The following EP300 variants were observed in gnomAD, a reference collection of about 807,000 sequenced individuals.
EP300 encodes histone acetyltransferase p300.
A neutral mutation model predicts 264.0 loss-of-function variants in EP300; 31 were observed. The ratio of observed to expected loss-of-function variants is 0.12; its 90% confidence interval spans 0.09 to 0.16. EP300 has a LOEUF of 0.16. Ranked by LOEUF, EP300 falls within the 10% of genes least tolerant of loss-of-function variation. The pLI, the probability that EP300 is intolerant of heterozygous loss-of-function variation, is 1.00. For missense variants in EP300, 2,766 were observed against 3,052.9 expected, an observed-to-expected ratio of 0.91 and a Z score of 2.21; for synonymous variants, 1,340 against 1,045.4, an observed-to-expected ratio of 1.28 and a Z score of -5.44.
At chr22:41,135,150 T>C (rs2058943312) in intron 6 of EP300, among the ~76,000 whole-genome samples, 1 of 152,178 alleles carries the variant, frequency 6.6e-6, no homozygotes, top group African/African-American at 2.4e-5. Context: ...TCCGCCCACC[T>C]CGGCCTCCCA....
At chr22:41,167,560 T>TTGTG (rs71328777) in intron 23 of EP300, among the ~76,000 whole-genome samples, 603 of 50,868 alleles carry the variant, frequency 0.012, 10 homozygotes, top group Non-Finnish European at 0.016. Context: ...GTTTATATAT[T>TTGTG]TGTGTGTGTG....
chr22:41,177,837 A>G lies in EP300; in HGVS notation c.6126A>G (p.Lys2042=). ...GLGQVGISPL[K]PGTVSQQALQ... ...GCCAGGTAGGTATCAGCCCACTCAA[A>G]CCAGGCACTGTGTCTCAACAAGCCT... Residue 2042 remains lysine (K), a synonymous_variant, in exon 31 of 31, where the codon AAA becomes AAG. Coordinates refer to ENST00000263253, the MANE Select transcript of EP300 (RefSeq NM_001429.4). 6.2e-7 allele frequency: 1 copy of G among 1,614,130 alleles called. No individual in the cohort carries two copies. The highest frequency in any genetic ancestry group is 8.5e-7 in the Non-Finnish European group (1 of 1,180,002).
chr22:41,120,510 C>T (rs755425351), intron 2 of EP300, among the ~76,000 whole-genome samples: 8 of 152,140 alleles, frequency 5.3e-5, no homozygotes, highest in Non-Finnish European at 8.8e-5. Flanking sequence ...ATGACTGTAA[C>T]CCTGTTGGCA....
Position 41,127,530 on chromosome 22 carries a change from C to T in EP300, c.950C>T (p.Thr317Ile), listed in dbSNP as rs2058890103. 1.2e-6 allele frequency: 2 copies of T among 1,614,104 alleles called. No homozygotes were observed. The highest frequency in any genetic ancestry group is 1.1e-5 in the South Asian group (1 of 91,092). Residue 317 changes from threonine (T) to isoleucine (I), a missense_variant, in exon 4 of 31, where the codon ACT becomes ATT. By Grantham distance (89) the Thr-to-Ile change is moderately conservative. Transcript: ENST00000263253. ...APQVQQPGLV[T>I]PVAQGMGSGA... ...CAGGTCCAGCAGCCAGGCCTGGTGA[C>T]TCCAGTTGCCCAAGGGATGGGTTCT...
rs2059021271 is a variant in EP300 at position 41,147,893 on chromosome 22, A to G, written c.2188A>G (p.Thr730Ala). 3 of 1,613,734 alleles carry G rather than the reference A, an allele frequency of 1.9e-6. No homozygotes were observed. The highest frequency in any genetic ancestry group is 1.7e-5 in the Admixed American group (1 of 59,968). Residue 730 changes from threonine to alanine, a missense_variant, in exon 12 of 31, where the codon ACC becomes GCC. Coordinates refer to ENST00000263253, the MANE Select transcript of EP300 (RefSeq NM_001429.4). Reference sequence around the variant, plus strand: ...CCAGCCCCCTATTGTACCCCGGCAAACCCCTCCTCTTCAGCACCATGGACA... The same window carrying G: ...CCAGCCCCCTATTGTACCCCGGCAAGCCCCTCCTCTTCAGCACCATGGACA... ...MAQPPIVPRQ[T>A]PPLQHHGQLA...
intron 19 of EP300, 181 bp downstream of exon 19, chr22:41,158,681 A>G: frequency 3.3e-6 from 2 of 604,756 alleles, no homozygotes. Flanking sequence ...TTTCTATCAG[A>G]GTAGCCTTGC....
chr22:41,122,867 TACAAAA>T (rs1214073161), intron 2 of EP300, among the ~76,000 whole-genome samples: 1 of 151,944 alleles, frequency 6.6e-6, no homozygotes, highest in African/African-American at 2.4e-5. Context: ...GCAACATCTC[TACAAAA>T]ATAAAAACAA....
At chr22:41,109,871 T>C (rs1031293619) in intron 1 of EP300, among the ~76,000 whole-genome samples, 2 of 150,546 alleles carry the variant, frequency 1.3e-5, no homozygotes, top group Non-Finnish European at 3.0e-5. Context: ...TGGAGTGCAA[T>C]GGCGTGATCT....
At chr22:41,099,622 C>T (rs187130403) in intron 1 of EP300, among the ~76,000 whole-genome samples, 236 of 152,228 alleles carry the variant, frequency 1.6e-3, no homozygotes, top group Middle Eastern at 3.4e-3. Flanking sequence ...TTGTAACCTC[C>T]GCATACAATT....
rs1305375514 is a variant in EP300 at position 41,160,643 on chromosome 22, T to C, written c.3592T>C (p.Tyr1198His). The C allele has an allele frequency of 6.2e-7, 1 of 1,613,942 alleles. No homozygotes were observed. Among genetic ancestry groups the C allele is most frequent in the Non-Finnish European group, 8.5e-7 (1 of 1,179,876 alleles). Residue 1198 changes from tyrosine (Y) to histidine (H), a missense_variant and splice_region_variant, in exon 20 of 31, where the codon TAT (tyrosine) becomes CAT (histidine). By Grantham distance (83) the Tyr-to-His change is moderately conservative (BLOSUM62 2). Coordinates refer to ENST00000263253, the MANE Select transcript of EP300 (RefSeq NM_001429.4). ...DATYYSYQNR[Y>H]HFCEKCFNEI... is the part of the protein sequence containing the mutation. Reference sequence around the variant, plus strand: ...CCAGTATGGCCTTCTTGCCGACAGGTATCATTTCTGTGAGAAGTGTTTCAA... The same window carrying C: ...CCAGTATGGCCTTCTTGCCGACAGGCATCATTTCTGTGAGAAGTGTTTCAA...
chr22:41,176,382 C>T lies in EP300; in HGVS notation c.4915C>T (p.Leu1639=), dbSNP rs1174134076. 6 of 1,614,124 alleles carry T rather than the reference C, an allele frequency of 3.7e-6. No homozygotes were observed. The East Asian group carries it at 1.3e-4, about 36-fold the overall frequency. Residue 1639 remains leucine (L), a synonymous_variant, in exon 30 of 31, where the codon CTG becomes TTG. Coordinates refer to ENST00000263253, the MANE Select transcript of EP300 (RefSeq NM_001429.4). ...AFLTLARDKH[L]EFSSLRRAQW... is the part of the protein sequence containing the mutation. Reference sequence around the variant, plus strand: ...TCTCACGCTGGCAAGGGACAAGCACCTGGAGTTCTCTTCACTCCGAAGAGC... The same window carrying T: ...TCTCACGCTGGCAAGGGACAAGCACTTGGAGTTCTCTTCACTCCGAAGAGC...
At chr22:41,130,716 ATACTT>A (rs1017097781) in intron 5 of EP300, among the ~76,000 whole-genome samples, 1 of 152,118 alleles carries the variant, frequency 6.6e-6, no homozygotes, top group Non-Finnish European at 1.5e-5. Flanking sequence ...CTTTTATACT[ATACTT>A]GTGATCTAAA....
chr22:41,174,041 C>T (rs920381342), intron 29 of EP300, among the ~76,000 whole-genome samples: 6 of 152,020 alleles, frequency 3.9e-5, no homozygotes, highest in African/African-American at 9.7e-5. Context: ...ACCTGAGAAG[C>T]GGAGATTGCA....
At position 41,178,908 on chromosome 22, in the gene EP300, C is replaced by G. The variant is rs1318815266; in HGVS notation, c.7197C>G (p.Asn2399Lys). 3 of 1,614,230 alleles carry G rather than the reference C, an allele frequency of 1.9e-6. No individual in the cohort carries two copies. Among genetic ancestry groups the G allele is most frequent in the Non-Finnish European group, 2.5e-6 (3 of 1,180,044 alleles). The change falls in exon 31 of 31, where the codon AAC becomes AAG. Residue 2399 changes from asparagine (N) to lysine (K), a missense_variant. Physicochemically the swap from Asn to Lys is moderately conservative, Grantham distance 94. Coordinates refer to ENST00000263253, the MANE Select transcript of EP300 (RefSeq NM_001429.4). ...CGGACCTGGGACTCAGCACCGATAA[C>G]TCAGACTTGAATTCAAACCTCTCAC... is the stretch of plus-strand genomic sequence containing the variant. ...SATDLGLSTD[N>K]SDLNSNLSQS...
At chr22:41,145,142 G>A (rs148201101) in intron 10 of EP300, among the ~76,000 whole-genome samples, 1 of 152,308 alleles carries the variant, frequency 6.6e-6, no homozygotes, top group African/African-American at 2.4e-5. Context: ...CATATCTTAG[G>A]TGAAAACATT....
rs775547353 is a variant in EP300, at chr22:41,149,088, C to G, written c.2292C>G (p.Phe764Leu). Reference sequence around the variant, plus strand: ...AACAGCCTTCCAACCAGGGCCAGTTCCTTCCTCAGACTCAGTTCCCATCAC... The same window carrying G: ...AACAGCCTTCCAACCAGGGCCAGTTGCTTCCTCAGACTCAGTTCCCATCAC... ...RMQQPSNQGQ[F>L]LPQTQFPSQG... The change falls in exon 13 of 31, where the codon TTC becomes TTG. Residue 764 changes from phenylalanine (F) to leucine (L), a missense_variant. Coordinates refer to ENST00000263253, the MANE Select transcript of EP300 (RefSeq NM_001429.4). 1.9e-6 allele frequency: 3 copies of G among 1,613,096 alleles called. No homozygotes were observed. In the Admixed American group the frequency reaches 5.0e-5, roughly 27 times the overall value.
chr22:41,093,366 T>C (rs1466009871), intron 1 of EP300, among the ~76,000 whole-genome samples: 1 of 152,250 alleles, frequency 6.6e-6, no homozygotes, highest in Non-Finnish European at 1.5e-5. Flanking sequence ...ATGGCCTGTA[T>C]TGTTGCTCTC....
chr22:41,159,798 C>T (rs2059097909), intron 19 of EP300: 1 of 152,356 alleles, frequency 6.6e-6, no homozygotes, highest in South Asian at 2.1e-4. Flanking sequence ...CCTCAGCCTT[C>T]CAAATAGTTG....
rs751260823 is a variant in EP300 at position 41,131,533 on chromosome 22, A to G, written c.1428A>G (p.Gln476=). 1.2e-6 allele frequency: 2 copies of G among 1,614,088 alleles called. No homozygotes were observed. The highest frequency in any genetic ancestry group is 1.1e-5 in the South Asian group (1 of 91,084). The change falls in exon 6 of 31, where the codon CAA becomes CAG. Residue 476 remains glutamine, a synonymous_variant. Transcript: ENST00000263253. ...RAYAALGLPY[Q]VNQMPTQPQV... is the part of the protein sequence containing the mutation. Reference sequence around the variant, plus strand: ...ATGCAGCTCTTGGACTACCCTATCAAGTAAATCAGATGCCGACACAACCCC... The same window carrying G: ...ATGCAGCTCTTGGACTACCCTATCAGGTAAATCAGATGCCGACACAACCCC...
Sources: gnomAD v4.1 joint callset for allele counts (sites outside exome capture counted in the v4.1 genomes callset) on GRCh38, gnomAD v4.1.1 for gene constraint, MANE v1.5 for transcripts, NCBI Gene and HGNC (gene_info 2026-07-23, HGNC 2026-07-21) for gene names.